The following FRMPD1 variants were observed in gnomAD, a reference collection of about 807,000 sequenced individuals.
FRMPD1 encodes FERM and PDZ domain-containing protein 1.
In FRMPD1, 76 loss-of-function variants were observed where a neutral mutation model predicts 117.8. That is an observed-to-expected ratio of 0.65 (90% confidence interval 0.54 to 0.78). The LOEUF is 0.78. Among genes scored for constraint, FRMPD1 ranks in the 30% least tolerant of loss-of-function variants. The pLI is 0.00. For synonymous variants in FRMPD1, 783 were observed against 770.4 expected (o/e 1.02, Z -0.27); for missense variants, 1,786 against 1,964.5 (o/e 0.91, Z 1.72).
At chr9:37,712,589 C>T (rs769521565) in intron 5 of FRMPD1, among the ~76,000 whole-genome samples, 16 of 152,182 alleles carry the variant, frequency 1.1e-4, no homozygotes, top group Non-Finnish European at 2.1e-4. Flanking sequence ...CTCCTGACCT[C>T]AGGTGATCCA....
chr9:37,638,011 T>TTCTTCCTTTCTTCCTTTCTTCCTTCCTTC, the FRMPD1 span, among the ~76,000 whole-genome samples: 1 of 126,336 alleles, frequency 7.9e-6, no homozygotes, highest in Non-Finnish European at 1.7e-5. Context: ...TTTCTTTCTT[T>TTCTTCCTTTCTTCCTTTCTTCCTTCCTTC]CTTTCTTTCT....
chr9:37,743,540 T>A (rs1448221678), intron 15 of FRMPD1, among the ~76,000 whole-genome samples: 3 of 130,116 alleles, frequency 2.3e-5, no homozygotes, highest in African/African-American at 8.9e-5. Flanking sequence ...TTTTTTTTTT[T>A]TTTTTTTTTT....
chr9:37,686,566 CT>C (rs1437664270), intron 1 of FRMPD1, among the ~76,000 whole-genome samples: 1 of 152,228 alleles, frequency 6.6e-6, no homozygotes, highest in African/African-American at 2.4e-5. Flanking sequence ...TCAGGGAGCA[CT>C]TTTAATGGCT....
chr9:37,693,740 G>A (rs557795262), intron 2 of FRMPD1, among the ~76,000 whole-genome samples: 82 of 152,278 alleles, frequency 5.4e-4, no homozygotes, highest in South Asian at 2.3e-3. Flanking sequence ...GTATGCTCCA[G>A]CTAAAGGGAA....
the FRMPD1 span, among the ~76,000 whole-genome samples, chr9:37,642,547 T>C: frequency 2.0e-5 from 3 of 152,192 alleles, no homozygotes; most frequent in African/African-American, 7.2e-5. Flanking sequence ...GTTATTAAAA[T>C]GAGATAAACC....
intron 2 of FRMPD1, among the ~76,000 whole-genome samples, chr9:37,695,483 G>C (rs1358882663): frequency 2.0e-5 from 3 of 152,134 alleles, no homozygotes; most frequent in African/African-American, 4.8e-5. Flanking sequence ...AAGAGATAAA[G>C]TTTCCTGTCA....
At chr9:37,617,952 C>T in the FRMPD1 span, among the ~76,000 whole-genome samples, 2 of 152,198 alleles carry the variant, frequency 1.3e-5, no homozygotes, top group Non-Finnish European at 2.9e-5. Flanking sequence ...GCTCAGCAGC[C>T]TTCCTGAGTC....
chr9:37,716,543 A>G (rs1040160259), intron 5 of FRMPD1, among the ~76,000 whole-genome samples: 1 of 152,242 alleles, frequency 6.6e-6, no homozygotes, highest in Non-Finnish European at 1.5e-5. Context: ...AGCATGATCC[A>G]GCTCTGGGCC....
At chr9:37,697,683 A>G (rs1822373992) in intron 2 of FRMPD1, among the ~76,000 whole-genome samples, 1 of 152,280 alleles carries the variant, frequency 6.6e-6, no homozygotes, top group Non-Finnish European at 1.5e-5. Context: ...AAGCTGCAAC[A>G]CAGTGACATT....
At chr9:37,743,347 A>T (rs1367105484) in intron 15 of FRMPD1, among the ~76,000 whole-genome samples, 2 of 152,118 alleles carry the variant, frequency 1.3e-5, no homozygotes, top group Non-Finnish European at 2.9e-5. Context: ...GCACTAAAAG[A>T]CTTGGGTTAA....
chr9:37,622,310 T>C, the FRMPD1 span, among the ~76,000 whole-genome samples: 3 of 152,214 alleles, frequency 2.0e-5, no homozygotes, highest in Non-Finnish European at 4.4e-5. Flanking sequence ...ATCGTTTTGC[T>C]TTAATAGCCG....
chr9:37,706,936 GTCCATCCATCCATCCATCCATCCA>G (rs66686416), intron 2 of FRMPD1, among the ~76,000 whole-genome samples: 43 of 150,164 alleles, frequency 2.9e-4, no homozygotes, highest in Non-Finnish European at 5.0e-4. Flanking sequence ...CTGTCAGTCC[GTCCATCCATCCATCCATCCATCCA>G]TCCATCCATC....
intron 2 of FRMPD1, among the ~76,000 whole-genome samples, chr9:37,704,638 G>A (rs924431266): frequency 6.8e-6 from 1 of 146,724 alleles, no homozygotes; most frequent in African/African-American, 2.5e-5. Flanking sequence ...CACCTCAAAA[G>A]TTTGAGGGTT....
intron 1 of FRMPD1, among the ~76,000 whole-genome samples, chr9:37,664,430 C>G (rs1429689136): frequency 6.6e-6 from 1 of 152,062 alleles, no homozygotes. Flanking sequence ...AGGTTTTAAG[C>G]CCCACATGCA....
At chr9:37,633,498 C>T in the FRMPD1 span, among the ~76,000 whole-genome samples, 1 of 152,104 alleles carries the variant, frequency 6.6e-6, no homozygotes, top group African/African-American at 2.4e-5. Flanking sequence ...TTATTTGTAT[C>T]AAAGTAATAC....
the FRMPD1 span, among the ~76,000 whole-genome samples, chr9:37,644,867 T>C: frequency 6.6e-6 from 1 of 151,926 alleles, no homozygotes; most frequent in South Asian, 2.1e-4. Context: ...TATGCAAAAG[T>C]AAAGAGATGA....
At chr9:37,608,115 C>G in the FRMPD1 span, among the ~76,000 whole-genome samples, 1 of 152,234 alleles carries the variant, frequency 6.6e-6, no homozygotes, top group Non-Finnish European at 1.5e-5. Flanking sequence ...ACGAAGGCTA[C>G]GTGAACAGGC....
chr9:37,735,701 G>C lies in FRMPD1; in HGVS notation c.1368G>C (p.Val456=). ...AGCTAACGGAAGAGTCTGAGAAAGTGAGCGTCGTCAAAGTGTATCTTCAGG... is the reference window on the plus strand; with the variant it reads ...AGCTAACGGAAGAGTCTGAGAAAGTCAGCGTCGTCAAAGTGTATCTTCAGG... ...RVELTEESEK[V]SVVKVYLQDV... The change falls in exon 13 of 16, where the codon GTG becomes GTC. Residue 456 remains valine, a synonymous_variant. Transcript: ENST00000377765. The C allele has an allele frequency of 6.2e-7, 1 of 1,613,636 alleles. No homozygotes were observed.
the FRMPD1 span, among the ~76,000 whole-genome samples, chr9:37,639,436 A>G: frequency 1.1e-3 from 160 of 152,288 alleles, no homozygotes; most frequent in Non-Finnish European, 1.6e-3. Flanking sequence ...GCTCTGCAGG[A>G]CACCTCAACC....
Sources: allele counts gnomAD v4.1 joint callset (sites outside exome capture counted in the v4.1 genomes callset), GRCh38; gene constraint gnomAD v4.1.1; transcripts MANE v1.5; gene names NCBI Gene and HGNC (gene_info 2026-07-23, HGNC 2026-07-21).